TMEM164: variants seen among roughly 807,000 people sequenced by gnomAD.
The protein encoded by TMEM164 is transmembrane protein 164, also known as RP13-360B22.2.
In TMEM164, 4 loss-of-function variants were observed where a neutral mutation model predicts 18.8. That is an observed-to-expected ratio of 0.21 (90% CI 0.10 to 0.49). The LOEUF (loss-of-function observed/expected upper bound fraction) is 0.49, where lower values mean the gene tolerates loss of function less well. Among genes scored for constraint, TMEM164 ranks in the 20% least tolerant of loss-of-function variants. The pLI is 0.98. For synonymous variants in TMEM164, 86 were observed against 101.7 expected, an observed-to-expected ratio of 0.85 and a Z score of 0.93; for missense variants, 108 against 239.9, an observed-to-expected ratio of 0.45 and a Z score of 3.63.
chrX:110,156,940 A>G (rs776976071), intron 5 of TMEM164, among the ~76,000 whole-genome samples: 2 of 112,043 alleles, frequency 1.8e-5, no homozygotes, highest in East Asian at 5.6e-4. Context: ...AGACCATAGC[A>G]GCGAGGAAGA....
At chrX:110,154,581 G>C (rs1338141317) in intron 5 of TMEM164, among the ~76,000 whole-genome samples, 2 of 111,226 alleles carry the variant, frequency 1.8e-5, no homozygotes, top group Non-Finnish European at 3.8e-5. Context: ...TGCCACGCCC[G>C]GCTAGTTTTT....
intron 4 of TMEM164, among the ~76,000 whole-genome samples, chrX:110,136,993 A>C (rs964860449): frequency 1.8e-5 from 2 of 112,086 alleles, no homozygotes; most frequent in Non-Finnish European, 3.8e-5. Flanking sequence ...GGTGCAAGAG[A>C]TGTTCCATTG....
intron 4 of TMEM164, among the ~76,000 whole-genome samples, chrX:110,141,457 G>T (rs898169138): frequency 2.7e-5 from 3 of 112,173 alleles, no homozygotes; most frequent in Non-Finnish European, 5.6e-5. Flanking sequence ...TCACAATCAT[G>T]GCAGAAGGTG....
Position 110,108,068 on chromosome X carries a change from CTGTGTGTGTGTGTGTGTGTGTGTG to C in TMEM164, c.441-977_441-954del, listed in dbSNP as rs56714507. Among the ~76,000 whole-genome samples, 18 of 46,385 alleles carry C rather than the reference CTGTGTGTGTGTGTGTGTGTGTGTG, an allele frequency of 3.9e-4. 1 individual carries two copies. The highest frequency in any genetic ancestry group is 1.1e-3 in the African/African-American group (12 of 11,246). The allele number at this position is 46,385 out of a possible 115,157, so 40.3% of individuals were successfully genotyped here. On this transcript the variant is annotated intron_variant, in intron 3 of 6. Transcript: ENST00000372068. Reference sequence around the variant, plus strand: ...TCCCAGCCAGGGCATAGGAGGTATGCTGTGTGTGTGTGTGTGTGTGTGTGTGTGTGTGTGTGTGTGTGTGTGTGT... The same window carrying C: ...TCCCAGCCAGGGCATAGGAGGTATGCTGTGTGTGTGTGTGTGTGTGTGTGT...
intron 2 of TMEM164, among the ~76,000 whole-genome samples, chrX:110,011,119 A>G (rs892829696): frequency 8.9e-6 from 1 of 111,866 alleles, no homozygotes; most frequent in Non-Finnish European, 1.9e-5. Flanking sequence ...CATTGGTGCC[A>G]GGTATTGGAG....
At chrX:110,077,068 T>C (rs932969235) in intron 3 of TMEM164, among the ~76,000 whole-genome samples, 14 of 111,954 alleles carry the variant, frequency 1.3e-4, no homozygotes, top group African/African-American at 4.5e-4. Flanking sequence ...GAAATCCCCA[T>C]TATTATTGTG....
intron 4 of TMEM164, among the ~76,000 whole-genome samples, chrX:110,121,653 A>G: frequency 8.9e-6 from 1 of 112,359 alleles, no homozygotes; most frequent in East Asian, 2.8e-4. Flanking sequence ...ATATGCTGCT[A>G]TGAACATTTG....
At chrX:110,112,369 T>C (rs1349908979) in intron 4 of TMEM164, among the ~76,000 whole-genome samples, 3 of 110,850 alleles carry the variant, frequency 2.7e-5, no homozygotes, top group Non-Finnish European at 5.7e-5. Context: ...TAACTGGGCA[T>C]GGTGGTGCAA....
At chrX:110,034,153 T>C (rs1431176658) in intron 2 of TMEM164, among the ~76,000 whole-genome samples, 1 of 112,162 alleles carries the variant, frequency 8.9e-6, no homozygotes, top group Non-Finnish European at 1.9e-5. Flanking sequence ...AGAATTTGCC[T>C]GGCATATAGT....
intron 3 of TMEM164, among the ~76,000 whole-genome samples, chrX:110,099,869 A>G (rs746222244): frequency 1.1e-3 from 120 of 111,916 alleles, no homozygotes; most frequent in African/African-American, 3.9e-3. Flanking sequence ...TAGGTCTTTT[A>G]TTTTATCAGC....
At chrX:110,025,272 T>G (rs1197834316) in intron 2 of TMEM164, among the ~76,000 whole-genome samples, 3 of 112,009 alleles carry the variant, frequency 2.7e-5, no homozygotes, top group African/African-American at 9.8e-5. Flanking sequence ...CTGCTTGGCA[T>G]ACAGTCAGTG....
At chrX:110,150,923 C>CTT (rs963439810) in intron 5 of TMEM164, among the ~76,000 whole-genome samples, 1 of 111,764 alleles carries the variant, frequency 8.9e-6, no homozygotes, top group Non-Finnish European at 1.9e-5. Flanking sequence ...TTGTCACACA[C>CTT]TTTTCCCATG....
intron 4 of TMEM164, among the ~76,000 whole-genome samples, chrX:110,142,712 G>A (rs1365324712): frequency 4.4e-5 from 5 of 113,118 alleles, no homozygotes; most frequent in East Asian, 2.8e-4. Context: ...TCATTTTACC[G>A]ATGCCAAAAC....
intron 2 of TMEM164, among the ~76,000 whole-genome samples, chrX:110,050,520 G>GA (rs1332090777): frequency 4.5e-5 from 5 of 111,579 alleles, no homozygotes; most frequent in Non-Finnish European, 9.4e-5. Flanking sequence ...CCTTGCCTGA[G>GA]AAAAGAGAAC....
At chrX:110,167,143 G>A (rs888642158) in intron 5 of TMEM164, among the ~76,000 whole-genome samples, 16 of 111,627 alleles carry the variant, frequency 1.4e-4, no homozygotes, top group Non-Finnish European at 2.6e-4. Flanking sequence ...GGTTGTGGTC[G>A]CCATGATAAA....
At chrX:110,034,418 G>T (rs1411894776) in intron 2 of TMEM164, among the ~76,000 whole-genome samples, 1 of 112,156 alleles carries the variant, frequency 8.9e-6, no homozygotes, top group Non-Finnish European at 1.9e-5. Context: ...TTCTGTAAAG[G>T]GCCAGATAGT....
intron 3 of TMEM164, chrX:110,082,083 TCCTGCTGCTATAG>T (rs2065766720): frequency 8.7e-6 from 1 of 114,693 alleles, no homozygotes; most frequent in Non-Finnish European, 1.9e-5. Context: ...ACTTGCTCAG[TCCTGCTGCTATAG>T]CCTGCTGCTG....
rs769160243 is a variant in TMEM164 at position 110,062,035 on chromosome X, C to T, written c.391-5312C>T. On this transcript the variant is annotated intron_variant, in intron 2 of 6. Transcript: ENST00000372068. ...CCACTGTTATAAAAGATTTTCAAAG[C>T]GTGATATCAAAGACAGAAGCCATAA... 4.4e-3 allele frequency among the ~76,000 whole-genome samples: 493 copies of T among 111,431 alleles called. 6 individuals carry two copies. The highest frequency in any genetic ancestry group is 0.015 in the African/African-American group (463 of 30,695).
chrX:110,135,568 T>C (rs2066678693), intron 4 of TMEM164, among the ~76,000 whole-genome samples: 1 of 112,214 alleles, frequency 8.9e-6, no homozygotes, highest in Non-Finnish European at 1.9e-5. Flanking sequence ...TGACAAATTG[T>C]TCTCCAGAAA....
Sources: gnomAD v4.1 joint callset for allele counts (sites outside exome capture counted in the v4.1 genomes callset) on GRCh38, gnomAD v4.1.1 for gene constraint, MANE v1.5 for transcripts, NCBI Gene and HGNC (gene_info 2026-07-23, HGNC 2026-07-21) for gene names.